The following LARP4B variants were observed in gnomAD, a reference collection of about 807,000 sequenced individuals.
LARP4B encodes the protein La ribonucleoprotein 4B.
A neutral mutation model predicts 89.8 loss-of-function variants in LARP4B; 12 were observed. That is an observed-to-expected ratio of 0.13 (90% CI 0.09 to 0.22). The LOEUF (loss-of-function observed/expected upper bound fraction) is 0.22, where lower values mean the gene tolerates loss of function less well. Ranked by LOEUF, LARP4B falls within the 10% of genes least tolerant of loss-of-function variation. The pLI is 1.00. For synonymous variants in LARP4B, 367 were observed against 363.3 expected, an observed-to-expected ratio of 1.01 and a Z score of -0.12; for missense variants, 757 against 947.7, an observed-to-expected ratio of 0.80 and a Z score of 2.64.
intron 17 of LARP4B, 78 bp from the exon 18 acceptor site, chr10:813,291 ATAAAAGAGT>A (rs1831842281): frequency 7.1e-7 from 1 of 1,410,122 alleles, no homozygotes; most frequent in Non-Finnish European, 9.5e-7. Flanking sequence ...TTCACTTAAG[ATAAAAGAGT>A]TTTCAACTGT....
intron 3 of LARP4B, chr10:873,279 C>G (rs1835314395): frequency 1.0e-6 from 1 of 985,278 alleles, no homozygotes; most frequent in African/African-American, 1.7e-5. Context: ...ACAGCGGTCA[C>G]ATGTTCCTGC....
At chr10:954,667 C>T in the LARP4B span, among the ~76,000 whole-genome samples, 1 of 152,122 alleles carries the variant, frequency 6.6e-6, no homozygotes, top group African/African-American at 2.4e-5. The surrounding 1 kb of genome is among the most constrained non-coding windows in gnomAD (Gnocchi z 5.0). Context: ...TGAGTGGCAG[C>T]GGAGTCCTTC....
At chr10:923,797 CAAT>C (rs1450586138) in intron 1 of LARP4B, among the ~76,000 whole-genome samples, 1 of 152,024 alleles carries the variant, frequency 6.6e-6, no homozygotes, top group Non-Finnish European at 1.5e-5. Flanking sequence ...TGAGCACTGA[CAAT>C]AAAAACAAAG....
the LARP4B span, among the ~76,000 whole-genome samples, chr10:964,929 G>A: frequency 2.0e-5 from 3 of 152,190 alleles, no homozygotes; most frequent in Non-Finnish European, 2.9e-5. Context: ...GGAGCCCTGG[G>A]AGTGAGGCTT....
At chr10:894,131 C>A (rs970851266) in intron 1 of LARP4B, among the ~76,000 whole-genome samples, 2 of 152,114 alleles carry the variant, frequency 1.3e-5, no homozygotes, top group African/African-American at 2.4e-5. Context: ...TGGGAGGTTT[C>A]CAAATGGTTA....
intron 8 of LARP4B, among the ~76,000 whole-genome samples, chr10:832,652 G>A (rs1168662317): frequency 6.6e-6 from 1 of 152,148 alleles, no homozygotes; most frequent in African/African-American, 2.4e-5. Context: ...TATACCAGAA[G>A]AGAGAGTATC....
At chr10:928,107 A>T (rs1837200459) in intron 1 of LARP4B, among the ~76,000 whole-genome samples, 1 of 152,052 alleles carries the variant, frequency 6.6e-6, no homozygotes, top group African/African-American at 2.4e-5. Flanking sequence ...CTGTAATCCC[A>T]GCTACTCGGG....
chr10:888,495 T>C (rs1264406383), intron 1 of LARP4B, among the ~76,000 whole-genome samples: 1 of 152,158 alleles, frequency 6.6e-6, no homozygotes, highest in Non-Finnish European at 1.5e-5. Context: ...GAAACTGACT[T>C]CAAGCGAAAG....
At chr10:960,908 A>C in the LARP4B span, among the ~76,000 whole-genome samples, 8 of 152,122 alleles carry the variant, frequency 5.3e-5, no homozygotes, top group Non-Finnish European at 1.2e-4. Flanking sequence ...TGTGAAAATC[A>C]ACACCTTTTC....
At chr10:863,643 AG>A (rs1834741759) in intron 5 of LARP4B, 99 bp downstream of exon 5, 1 of 1,287,706 alleles carries the variant, frequency 7.8e-7, no homozygotes, top group African/African-American at 1.5e-5. Flanking sequence ...AAGCAGGCAA[AG>A]AAAGACCCAT....
intron 1 of LARP4B, among the ~76,000 whole-genome samples, chr10:928,291 G>C (rs1349824909): frequency 6.6e-6 from 1 of 151,916 alleles, no homozygotes; most frequent in Non-Finnish European, 1.5e-5. Context: ...TCGATTGATG[G>C]TAACACATCT....
intron 13 of LARP4B, 69 bp from the exon 14 acceptor site, chr10:820,914 G>C (rs1329375258): frequency 7.5e-7 from 1 of 1,338,498 alleles, no homozygotes; most frequent in Non-Finnish European, 1.1e-6. Context: ...GAGCACGTTT[G>C]CACTCACATA....
chr10:963,489 G>A, the LARP4B span, among the ~76,000 whole-genome samples: 1 of 152,158 alleles, frequency 6.6e-6, no homozygotes, highest in African/African-American at 2.4e-5. Flanking sequence ...GTGTTCTCCT[G>A]GGGGCTTTTG....
At chr10:878,149 G>A (rs1321675572) in intron 3 of LARP4B, among the ~76,000 whole-genome samples, 2 of 152,236 alleles carry the variant, frequency 1.3e-5, no homozygotes, top group African/African-American at 4.8e-5. Flanking sequence ...TGCCAGAGGA[G>A]AGCCAGTGGG....
chr10:970,177 T>C, the LARP4B span, among the ~76,000 whole-genome samples: 3 of 152,240 alleles, frequency 2.0e-5, no homozygotes, highest in Non-Finnish European at 2.9e-5. Context: ...CCTATACTTA[T>C]GGATTCGATG....
chr10:889,679 G>GT (rs1360182635), intron 1 of LARP4B, among the ~76,000 whole-genome samples: 24 of 152,152 alleles, frequency 1.6e-4, no homozygotes, highest in African/African-American at 5.8e-4. Flanking sequence ...CCCAAACAAC[G>GT]TAAGAAGTAA....
At chr10:984,032 G>T in the LARP4B span, among the ~76,000 whole-genome samples, 1 of 152,166 alleles carries the variant, frequency 6.6e-6, no homozygotes, top group South Asian at 2.1e-4. Context: ...TCTGGAAAAC[G>T]GAAATTGCTA....
At chr10:938,540 A>G in the LARP4B span, among the ~76,000 whole-genome samples, 3 of 152,340 alleles carry the variant, frequency 2.0e-5, no homozygotes, top group Non-Finnish European at 2.9e-5. Context: ...GGCGTGAGCC[A>G]CCGCGCCCGG....
At chr10:855,464 G>A (rs1254695362) in intron 5 of LARP4B, among the ~76,000 whole-genome samples, 1 of 152,074 alleles carries the variant, frequency 6.6e-6, no homozygotes, top group Non-Finnish European at 1.5e-5. Context: ...ATGTCTCAGG[G>A]AATAGGAAGG....
Sources: gnomAD v4.1 joint callset for allele counts (sites outside exome capture counted in the v4.1 genomes callset) on GRCh38, gnomAD v4.1.1 for gene constraint, Gnocchi (gnomAD v3.1) non-coding constraint, MANE v1.5 for transcripts, NCBI Gene and HGNC (gene_info 2026-07-23, HGNC 2026-07-21) for gene names.